The following ATPSCKMT variants were observed in gnomAD, a reference collection of about 807,000 sequenced individuals.
ATPSCKMT encodes the protein ATP synthase subunit C lysine N-methyltransferase.
A neutral mutation model predicts 24.3 loss-of-function variants in ATPSCKMT; 24 were observed. The observed-to-expected ratio is 0.99, with a 90% CI of 0.71 to 1.39. The LOEUF (loss-of-function observed/expected upper bound fraction) is 1.39, where lower values mean the gene tolerates loss of function less well. ATPSCKMT is among the 40% of genes most tolerant of loss of function. The pLI is 0.00. For missense variants in ATPSCKMT, 311 were observed against 298.4 expected, an observed-to-expected ratio of 1.04 and a Z score of -0.31; for synonymous variants, 95 against 110.5, an observed-to-expected ratio of 0.86 and a Z score of 0.88.
At position 10,238,942 on chromosome 5, in the gene ATPSCKMT, T is replaced by G. The variant is rs61694324; in HGVS notation, c.306+125A>C. 2.7e-3 allele frequency: 3,234 copies of G among 1,208,888 alleles called. 61 individuals carry two copies. In the African/African-American group the frequency reaches 0.041, roughly 15 times the overall value. The allele number at this position is 1,208,888 out of a possible 1,614,324, so 74.9% of individuals were successfully genotyped here. ...GTTGAATAGTTTGGTCAAACAAACA[T>G]AAAATGAAATGAGCACTCTTTCAAG... is the stretch of plus-strand genomic sequence containing the variant. On this transcript the variant is annotated intron_variant, in intron 2 of 4. Coordinates refer to ENST00000511437, the MANE Select transcript of ATPSCKMT (RefSeq NM_199133.4).
chr5:10,245,470 C>G (rs2607306), intron 1 of ATPSCKMT, among the ~76,000 whole-genome samples: 47,241 of 151,168 alleles, frequency 0.31, 8,364 homozygotes, highest in East Asian at 0.72. Context: ...AATTGGCCAG[C>G]CACAGTGGCT....
rs144022644 is a variant in ATPSCKMT, at chr5:10,246,075, C to T, written c.16+3783G>A. 5.6e-3 allele frequency among the ~76,000 whole-genome samples: 858 copies of T among 152,238 alleles called. 5 individuals carry two copies. Among genetic ancestry groups the T allele is most frequent in the African/African-American group, 0.02 (821 of 41,536 alleles). On this transcript the variant is annotated intron_variant, in intron 1 of 4. Transcript: ENST00000511437. Reference sequence around the variant, plus strand: ...CCCCTTATCCTTTAGCTATCACCCCCGCATCCACCCTCTATCCCCCAGCCC... The same window carrying T: ...CCCCTTATCCTTTAGCTATCACCCCTGCATCCACCCTCTATCCCCCAGCCC...
At chr5:10,242,600 C>T (rs1744696573) in intron 1 of ATPSCKMT, among the ~76,000 whole-genome samples, 1 of 152,194 alleles carries the variant, frequency 6.6e-6, no homozygotes, top group African/African-American at 2.4e-5. Flanking sequence ...GACCTCCTAC[C>T]ATGAATCATG....
intron 3 of ATPSCKMT, 50 bp from the exon 4 acceptor site, chr5:10,235,311 G>A (rs576582887): frequency 1.1e-5 from 17 of 1,515,396 alleles, no homozygotes; most frequent in Middle Eastern, 1.7e-4. Context: ...AAAGCCAAAC[G>A]TGAAGCTTAA....
chr5:10,247,436 G>A (rs939679285), intron 1 of ATPSCKMT, among the ~76,000 whole-genome samples: 6 of 152,196 alleles, frequency 3.9e-5, no homozygotes, highest in Admixed American at 3.3e-4. Context: ...GACCTCTCAG[G>A]CTCAAACGAT....
rs1313874844 is a variant in ATPSCKMT, at chr5:10,227,357, T to C, written c.*84A>G. The C allele has an allele frequency of 5.7e-6, 8 of 1,394,486 alleles. No homozygotes were observed. The highest frequency in any genetic ancestry group is 4.8e-5 in the South Asian group (4 of 83,320). 86.4% of individuals were successfully genotyped at this position (1,394,486 alleles called of 1,614,324 possible). A position where few individuals can be genotyped will look rare whatever the true frequency, so the allele number is the denominator to read the frequency against. ...TCTCATTCCAAACCAAAGACAATTA[T>C]GCTCCTTTGCTAAGGACACAGCTGT... On this transcript the variant is annotated 3_prime_UTR_variant, in exon 5 of 5. Coordinates refer to ENST00000511437, the MANE Select transcript of ATPSCKMT (RefSeq NM_199133.4).
chr5:10,244,097 G>A (rs183209110), intron 1 of ATPSCKMT, among the ~76,000 whole-genome samples: 91 of 152,274 alleles, frequency 6.0e-4, no homozygotes, highest in African/African-American at 2.1e-3. Context: ...AAATAGGAGG[G>A]CCCAAGGAGA....
At chr5:10,248,796 T>A (rs1205477022) in intron 1 of ATPSCKMT, among the ~76,000 whole-genome samples, 1 of 152,258 alleles carries the variant, frequency 6.6e-6, no homozygotes, top group African/African-American at 2.4e-5. Flanking sequence ...AATACAACTT[T>A]ATTAGTTAAG....
rs760648664 is a variant in ATPSCKMT, at chr5:10,236,572, T to A, written c.350A>T (p.Glu117Val). ...AKKGFTAVGY[E>V]LNPWLVWYSR... ...ATACCAAACTAGCCATGGGTTTAAT[T>A]CATAACCAACTGCTGTGAACCCTTT... The change falls in exon 3 of 5, where the codon GAA becomes GTA. Residue 117 changes from glutamate to valine, a missense_variant. Coordinates refer to ENST00000511437, the MANE Select transcript of ATPSCKMT (RefSeq NM_199133.4). 78 of 1,614,102 alleles carry A rather than the reference T, an allele frequency of 4.8e-5. No individual in the cohort carries two copies. Among genetic ancestry groups the A allele is most frequent in the Non-Finnish European group, 6.3e-5 (74 of 1,180,048 alleles).
In ATPSCKMT at chr5:10,226,754, T is replaced by C. The variant is rs1743898885; in HGVS notation, c.*687A>G. The C allele has an allele frequency of 6.6e-6, 1 of 152,312 alleles. No individual in the cohort carries two copies. The highest frequency in any genetic ancestry group is 1.5e-5 in the Non-Finnish European group (1 of 68,134). The allele number at this position is 152,312 out of a possible 1,614,324, so 9.4% of individuals were successfully genotyped here. On this transcript the variant is annotated 3_prime_UTR_variant, in exon 5 of 5. Transcript: ENST00000511437. ...CCCCACTCCACTGTTATGTGTACCA[T>C]TATCCCAGTGGCAGAGATACACAGA... is the stretch of plus-strand genomic sequence containing the variant.
chr5:10,232,855 G>T (rs1744213444), intron 4 of ATPSCKMT, among the ~76,000 whole-genome samples: 1 of 152,226 alleles, frequency 6.6e-6, no homozygotes, highest in Non-Finnish European at 1.5e-5. Context: ...TCACAGAAGG[G>T]TTTTACACAA....
At chr5:10,241,434 G>T (rs925574747) in intron 1 of ATPSCKMT, among the ~76,000 whole-genome samples, 2 of 152,144 alleles carry the variant, frequency 1.3e-5, no homozygotes, top group African/African-American at 4.8e-5. Context: ...ACAGAAAGCT[G>T]GCACACAGCA....
chr5:10,249,846 C>CG lies in ATPSCKMT; in HGVS notation c.16+11_16+12insC. On this transcript the variant is annotated intron_variant, in intron 1 of 4. Coordinates refer to ENST00000511437, the MANE Select transcript of ATPSCKMT (RefSeq NM_199133.4). ...ATGCCCCCAGGAACCCGCCAAGCCG[C>CG]TCCAGCCTCACCTCCTCCTCCCTCC... 6.4e-7 allele frequency: 1 copy of CG among 1,564,096 alleles called. No homozygotes were observed. Among genetic ancestry groups the CG allele is most frequent in the East Asian group, 2.3e-5 (1 of 44,288 alleles).
At position 10,227,709 on chromosome 5, in the gene ATPSCKMT, T is replaced by C. The variant is rs1743947286; in HGVS notation, c.496-62A>G. The C allele has an allele frequency of 6.3e-6, 9 of 1,432,546 alleles. No homozygotes were observed. The Admixed American group carries it at 1.5e-4, about 24-fold the overall frequency. The allele number at this position is 1,432,546 out of a possible 1,614,324, so 88.7% of individuals were successfully genotyped here. ...GAGTCAGAGGAAATGATCCCAAAAT[T>C]TCCTGTTTTTAAGAGTCCCTGAAAA... On this transcript the variant is annotated intron_variant, in intron 4 of 4. Coordinates refer to ENST00000511437, the MANE Select transcript of ATPSCKMT (RefSeq NM_199133.4).
rs866242094 is a variant in ATPSCKMT, at chr5:10,239,381, A to G, written c.17-25T>C. 5 of 1,577,474 alleles carry G rather than the reference A, an allele frequency of 3.2e-6. No homozygotes were observed. In the Middle Eastern group the frequency reaches 8.5e-4, roughly 268 times the overall value. The stretch of plus-strand genomic sequence containing the variant: ...CCTAGATTGAAAGCAAGCAGAAGAG[A>G]CACATGTAGCACCAAATCTGAAATC... On this transcript the variant is annotated intron_variant, in intron 1 of 4. Transcript: ENST00000511437.
At chr5:10,232,362 C>G (rs534340452) in intron 4 of ATPSCKMT, among the ~76,000 whole-genome samples, 2 of 152,294 alleles carry the variant, frequency 1.3e-5, no homozygotes, top group Non-Finnish European at 2.9e-5. Context: ...GATGCCTGTG[C>G]CAGTGCTGCG....
chr5:10,231,244 A>G (rs943121511), intron 4 of ATPSCKMT, among the ~76,000 whole-genome samples: 6 of 151,832 alleles, frequency 4.0e-5, no homozygotes, highest in Non-Finnish European at 8.8e-5. Context: ...TCTCTCCCCA[A>G]CGTTAGATCT....
chr5:10,228,422 A>G (rs1743980056), intron 4 of ATPSCKMT, among the ~76,000 whole-genome samples: 1 of 152,214 alleles, frequency 6.6e-6, no homozygotes, highest in Non-Finnish European at 1.5e-5. Flanking sequence ...CCACCGTTGT[A>G]CCATTTTATT....
At chr5:10,231,537 T>A (rs6868373) in intron 4 of ATPSCKMT, among the ~76,000 whole-genome samples, 4 of 151,686 alleles carry the variant, frequency 2.6e-5, no homozygotes, top group African/African-American at 9.7e-5. Context: ...GCCTGCTTGC[T>A]GCACTGCCCC....
Sources: gnomAD v4.1 joint callset for allele counts (sites outside exome capture counted in the v4.1 genomes callset) on GRCh38, gnomAD v4.1.1 for gene constraint, MANE v1.5 for transcripts, NCBI Gene and HGNC (gene_info 2026-07-23, HGNC 2026-07-21) for gene names.